The following BZW2 variants were observed in gnomAD, a reference collection of about 807,000 sequenced individuals.
BZW2 encodes basic leucine zipper and W2 domains 2.
BZW2 carries 23 observed loss-of-function variants against 53.2 expected under a neutral mutation model. The observed-to-expected ratio is 0.43, with a 90% CI of 0.31 to 0.61. The LOEUF (loss-of-function observed/expected upper bound fraction) is 0.61, where lower values mean the gene tolerates loss of function less well. Among genes scored for constraint, BZW2 ranks in the 20% least tolerant of loss-of-function variants. BZW2 has a pLI of 0.09. For missense variants in BZW2, 409 were observed against 503.1 expected, an observed-to-expected ratio of 0.81 and a Z score of 1.79; for synonymous variants, 227 against 186.4, an observed-to-expected ratio of 1.22 and a Z score of -1.77.
chr7:16,679,251 T>C (rs1253264848), intron 3 of BZW2, among the ~76,000 whole-genome samples: 10 of 152,156 alleles, frequency 6.6e-5, no homozygotes, highest in Non-Finnish European at 1.3e-4. Context: ...TGTTCAGAGA[T>C]TGCAGTAAAG....
At chr7:16,654,555 G>GAC (rs1782073506) in intron 1 of BZW2, among the ~76,000 whole-genome samples, 1 of 138,698 alleles carries the variant, frequency 7.2e-6, no homozygotes, top group South Asian at 2.3e-4. Context: ...TTATTTATGA[G>GAC]ACGGAGTCTT....
chr7:16,705,684 CAAAAAAAAA>C (rs1180087983), intron 11 of BZW2, among the ~76,000 whole-genome samples: 2 of 53,872 alleles, frequency 3.7e-5, no homozygotes, highest in Non-Finnish European at 8.4e-5. Context: ...GACTCCATCT[CAAAAAAAAA>C]AAAAAAAAAG....
intron 2 of BZW2, among the ~76,000 whole-genome samples, chr7:16,672,645 C>G (rs1016811506): frequency 2.0e-5 from 3 of 152,126 alleles, no homozygotes; most frequent in African/African-American, 7.2e-5. Context: ...AGGGTGATGT[C>G]CTTTGAGTTG....
intron 1 of BZW2, among the ~76,000 whole-genome samples, chr7:16,650,768 G>T (rs752982555): frequency 1.2e-4 from 19 of 152,084 alleles, no homozygotes; most frequent in Non-Finnish European, 2.5e-4. Context: ...AGGCCATGGC[G>T]CTCTTTAGCA....
chr7:16,671,929 T>C (rs1377433161), intron 2 of BZW2, among the ~76,000 whole-genome samples: 3 of 50,754 alleles, frequency 5.9e-5, no homozygotes, highest in South Asian at 6.2e-4. Context: ...AGACCCTGTT[T>C]CAAAAAAAAA....
intron 2 of BZW2, among the ~76,000 whole-genome samples, chr7:16,667,055 A>G (rs6964318): frequency 0.46 from 70,077 of 152,028 alleles, 18,157 homozygotes; most frequent in African/African-American, 0.72. Flanking sequence ...GGCCGAGGCG[A>G]GTGGATCACC....
At chr7:16,692,843 C>T (rs1195018048) in intron 7 of BZW2, among the ~76,000 whole-genome samples, 1 of 152,088 alleles carries the variant, frequency 6.6e-6, no homozygotes, top group Non-Finnish European at 1.5e-5. Flanking sequence ...TGGTGGAAAG[C>T]CCTCTGTGAT....
chr7:16,671,536 T>G (rs1183383394), intron 2 of BZW2, among the ~76,000 whole-genome samples: 4 of 152,176 alleles, frequency 2.6e-5, no homozygotes, highest in Admixed American at 2.6e-4. Flanking sequence ...GTTTTTTCCC[T>G]CTTGCCTGGG....
At chr7:16,684,164 A>G (rs957805468) in intron 5 of BZW2, among the ~76,000 whole-genome samples, 1 of 152,256 alleles carries the variant, frequency 6.6e-6, no homozygotes, top group Non-Finnish European at 1.5e-5. Context: ...GCATAACTAC[A>G]TGTATTAATA....
At chr7:16,682,477 T>A (rs548164698) in intron 4 of BZW2, among the ~76,000 whole-genome samples, 87 of 152,356 alleles carry the variant, frequency 5.7e-4, no homozygotes, top group Admixed American at 4.2e-3. Context: ...ATTTCCGTGA[T>A]TTTTAGTCTC....
intron 1 of BZW2, among the ~76,000 whole-genome samples, chr7:16,662,765 A>G (rs1782304183): frequency 6.6e-6 from 1 of 152,058 alleles, no homozygotes; most frequent in Non-Finnish European, 1.5e-5. Flanking sequence ...GGAGGTAGAG[A>G]GAGAGAAAAA....
chr7:16,691,498 C>G (rs1013175687), intron 7 of BZW2, among the ~76,000 whole-genome samples: 4 of 152,212 alleles, frequency 2.6e-5, no homozygotes, highest in South Asian at 2.1e-4. Flanking sequence ...GCTGAGGGAG[C>G]AGCTCCCATC....
intron 8 of BZW2, 120 bp downstream of exon 8, chr7:16,695,124 ACT>A: frequency 1.1e-6 from 1 of 885,844 alleles, no homozygotes; most frequent in East Asian, 2.8e-5. Flanking sequence ...AACTTTGTCC[ACT>A]TATTCCTACC....
chr7:16,683,863 CT>C (rs1303086639), intron 5 of BZW2, among the ~76,000 whole-genome samples: 1 of 152,154 alleles, frequency 6.6e-6, no homozygotes, highest in Non-Finnish European at 1.5e-5. Context: ...CTCCCCGCTC[CT>C]CCCCACCTAA....
At chr7:16,656,273 G>A (rs1583700627) in intron 1 of BZW2, among the ~76,000 whole-genome samples, 1 of 152,178 alleles carries the variant, frequency 6.6e-6, no homozygotes, top group African/African-American at 2.4e-5. Flanking sequence ...TATCATTGAT[G>A]AAGAATACAG....
At position 16,681,028 on chromosome 7, in the gene BZW2, G is replaced by A. The variant is rs541308956; in HGVS notation, c.236-273G>A. 5.3e-5 allele frequency among the ~76,000 whole-genome samples: 8 copies of A among 152,034 alleles called. No individual in the cohort carries two copies. The East Asian group carries it at 9.7e-4, about 18-fold the overall frequency. On this transcript the variant is annotated intron_variant, in intron 3 of 11. Coordinates refer to ENST00000258761, the MANE Select transcript of BZW2 (RefSeq NM_014038.3). ...CTAAGGCAGGAGAATCGCTTGAACC[G>A]GGGAGGTGGAGGTTGCAGTGAGCCG...
chr7:16,703,003 T>A (rs1783716471), intron 10 of BZW2, among the ~76,000 whole-genome samples: 1 of 152,344 alleles, frequency 6.6e-6, no homozygotes, highest in Non-Finnish European at 1.5e-5. Flanking sequence ...AAGGGTCTTT[T>A]AAAATCCCTG....
intron 11 of BZW2, among the ~76,000 whole-genome samples, chr7:16,705,322 C>G (rs1783807988): frequency 6.6e-6 from 1 of 151,480 alleles, no homozygotes; most frequent in East Asian, 2.0e-4. Context: ...TGCGCCACTG[C>G]ACGCCAGCCT....
At chr7:16,685,876 CTTTTT>C (rs34699573) in intron 5 of BZW2, 24 bp from the exon 6 acceptor site, 4,908 of 1,277,640 alleles carry the variant, frequency 3.8e-3, no homozygotes, top group East Asian at 6.7e-3. Context: ...TTTTCTTTTT[CTTTTT>C]TTTTTTTTTT....
Sources: gnomAD v4.1 joint callset for allele counts (sites outside exome capture counted in the v4.1 genomes callset) on GRCh38, gnomAD v4.1.1 for gene constraint, MANE v1.5 for transcripts, NCBI Gene and HGNC (gene_info 2026-07-23, HGNC 2026-07-21) for gene names.